The following RGS8 variants were observed in gnomAD, a reference collection of about 807,000 sequenced individuals.
RGS8 encodes the protein regulator of G-protein signaling 8.
In RGS8, 8 loss-of-function variants were observed where a neutral mutation model predicts 21.7. That is an observed-to-expected ratio of 0.37 (90% CI 0.22 to 0.66). The LOEUF (loss-of-function observed/expected upper bound fraction) is 0.66. Ranked by LOEUF, RGS8 falls within the 30% of genes least tolerant of loss-of-function variation. The probability of loss-of-function intolerance (pLI) is 0.59; values close to 1 mark genes in which losing one functional copy is unlikely to be tolerated. For synonymous variants in RGS8, 80 were observed against 83.6 expected, an observed-to-expected ratio of 0.96 and a Z score of 0.24; for missense variants, 157 against 217.9, an observed-to-expected ratio of 0.72 and a Z score of 1.76.
chr1:182,746,897 ATCT>A, the RGS8 span, among the ~76,000 whole-genome samples: 85 of 151,976 alleles, frequency 5.6e-4, no homozygotes, highest in African/African-American at 1.8e-3. Context: ...TGCATCTCCT[ATCT>A]TTTGCTTTTG....
intron 5 of RGS8, among the ~76,000 whole-genome samples, chr1:182,664,498 A>C (rs1663757696): frequency 6.6e-6 from 1 of 152,230 alleles, no homozygotes; most frequent in Non-Finnish European, 1.5e-5. Context: ...ACCAAACTTC[A>C]AGATGACCTT....
upstream of RGS8, among the ~76,000 whole-genome samples, chr1:182,674,773 G>T (rs573433409): frequency 2.6e-5 from 4 of 152,162 alleles, no homozygotes; most frequent in Non-Finnish European, 5.9e-5. Context: ...GGAATGTAGA[G>T]CTCTGGGTTC....
chr1:182,718,045 C>T, the RGS8 span, among the ~76,000 whole-genome samples: 1 of 152,140 alleles, frequency 6.6e-6, no homozygotes, highest in Non-Finnish European at 1.5e-5. Context: ...GGAACCTTAC[C>T]TTGAGGACCT....
upstream of RGS8, among the ~76,000 whole-genome samples, chr1:182,684,858 C>T (rs189626092): frequency 1.6e-3 from 238 of 152,248 alleles, no homozygotes; most frequent in African/African-American, 5.2e-3. This position sits in a 1 kb window ranked among gnomAD's most constrained non-coding sequence, Gnocchi z 4.2. Context: ...GGAGGCGAAA[C>T]GGGGTAACTG....
upstream of RGS8, among the ~76,000 whole-genome samples, chr1:182,686,984 C>T (rs947072226): frequency 4.6e-5 from 7 of 152,028 alleles, no homozygotes; most frequent in East Asian, 1.9e-4. Flanking sequence ...GAGTCAAATA[C>T]GGCAGAGAAG....
At chr1:182,729,173 T>A in the RGS8 span, among the ~76,000 whole-genome samples, 1 of 152,246 alleles carries the variant, frequency 6.6e-6, no homozygotes, top group Non-Finnish European at 1.5e-5. Flanking sequence ...TTAGAGATAT[T>A]CTTTTCTTAG....
chr1:182,717,446 TTGAGA>T, the RGS8 span, among the ~76,000 whole-genome samples: 1 of 152,206 alleles, frequency 6.6e-6, no homozygotes, highest in East Asian at 1.9e-4. Context: ...CCTGAAATTG[TTGAGA>T]TAAGATGACA....
intron 5 of RGS8, among the ~76,000 whole-genome samples, chr1:182,665,132 CT>C (rs1663790211): frequency 6.6e-6 from 1 of 152,238 alleles, no homozygotes; most frequent in African/African-American, 2.4e-5. Context: ...TCTAATATCA[CT>C]GCGACATATT....
chr1:182,710,805 A>T, the RGS8 span, among the ~76,000 whole-genome samples: 101 of 152,354 alleles, frequency 6.6e-4, no homozygotes, highest in East Asian at 0.019. Flanking sequence ...TGTAGGTAGT[A>T]GTAATATTAT....
At chr1:182,721,048 T>TATATAC in the RGS8 span, among the ~76,000 whole-genome samples, 2 of 70,754 alleles carry the variant, frequency 2.8e-5, no homozygotes, top group African/African-American at 6.1e-5. Context: ...TACATATACA[T>TATATAC]ACATATATAT....
At chr1:182,700,670 C>T in the RGS8 span, among the ~76,000 whole-genome samples, 1 of 152,184 alleles carries the variant, frequency 6.6e-6, no homozygotes, top group African/African-American at 2.4e-5. Context: ...TTAGAGTTCT[C>T]ATTCTACTAA....
chr1:182,750,353 GT>G, the RGS8 span, among the ~76,000 whole-genome samples: 1 of 152,078 alleles, frequency 6.6e-6, no homozygotes, highest in Non-Finnish European at 1.5e-5. Context: ...ACTTGTCTTT[GT>G]AATACTACCC....
At chr1:182,744,240 G>A in the RGS8 span, among the ~76,000 whole-genome samples, 1 of 151,880 alleles carries the variant, frequency 6.6e-6, no homozygotes, top group African/African-American at 2.4e-5. Flanking sequence ...TTAACTTCCT[G>A]GGCTCGAGAG....
intron 2 of RGS8, 139 bp downstream of exon 3, chr1:182,671,518 G>A: frequency 2.8e-6 from 2 of 702,546 alleles, no homozygotes; most frequent in East Asian, 5.3e-5. Flanking sequence ...GATTTACAAA[G>A]AGGGGGAGAG....
chr1:182,693,181 C>T, the RGS8 span, among the ~76,000 whole-genome samples: 4 of 152,150 alleles, frequency 2.6e-5, no homozygotes, highest in Admixed American at 1.3e-4. Context: ...ACAGGATAAA[C>T]AGACAACATA....
At chr1:182,723,660 TGCAAGGGTCTAAAACCAGGAA>T in the RGS8 span, among the ~76,000 whole-genome samples, 8,022 of 152,218 alleles carry the variant, frequency 0.053, 253 homozygotes, top group Middle Eastern at 0.075. Flanking sequence ...GAGGAGACTA[TGCAAGGGTCTAAAACCAGGAA>T]GCCCAGGTCC....
At chr1:182,743,540 T>C in the RGS8 span, among the ~76,000 whole-genome samples, 3 of 152,218 alleles carry the variant, frequency 2.0e-5, no homozygotes, top group African/African-American at 7.2e-5. Context: ...ATAGATATTA[T>C]CATGGTCATC....
chr1:182,732,469 T>C, the RGS8 span, among the ~76,000 whole-genome samples: 1 of 152,216 alleles, frequency 6.6e-6, no homozygotes, highest in African/African-American at 2.4e-5. Context: ...GGTAGAATTT[T>C]AGGAGCTTGA....
At chr1:182,682,460 T>TA (rs1324100738) in intron 1 of RGS8, among the ~76,000 whole-genome samples, 1 of 152,156 alleles carries the variant, frequency 6.6e-6, no homozygotes, top group East Asian at 1.9e-4. Context: ...GAGTTTTTTT[T>TA]ACCCCCCTTG....
Sources: allele counts gnomAD v4.1 joint callset (sites outside exome capture counted in the v4.1 genomes callset), GRCh38; gene constraint gnomAD v4.1.1; non-coding constraint Gnocchi (gnomAD v3.1); transcripts MANE v1.5; gene names NCBI Gene and HGNC (gene_info 2026-07-23, HGNC 2026-07-21).